Variants in KCNQ1 observed in about 807,000 individuals in gnomAD.
KCNQ1 encodes potassium voltage-gated channel subfamily KQT member 1.
Under a neutral mutation model 72.4 loss-of-function variants are expected in KCNQ1, and 49 were observed. That is an observed-to-expected ratio of 0.68 (90% CI 0.54 to 0.86). The LOEUF is 0.86. Ranked by LOEUF, KCNQ1 falls within the 40% of genes least tolerant of loss-of-function variation. The pLI is 0.00. For synonymous variants in KCNQ1, 450 were observed against 412.6 expected, an observed-to-expected ratio of 1.09 and a Z score of -1.10; for missense variants, 790 against 945.1, an observed-to-expected ratio of 0.84 and a Z score of 2.15.
Position 2,674,886 on chromosome 11 carries a change from G to T in KCNQ1, c.1514+12805G>T, listed in dbSNP as rs1436232189. 1.8e-5 allele frequency: 7 copies of T among 397,774 alleles called. No individual in the cohort carries two copies. Among genetic ancestry groups the T allele is most frequent in the Non-Finnish European group, 3.1e-5 (7 of 225,994 alleles). 24.6% of individuals were successfully genotyped at this position (397,774 alleles called of 1,614,324 possible). ...GCTCACTGGGCACCTTGGCTGCAGGGTCTGAAAAGTCCTTTGTGTTAGCTC... is the reference window on the plus strand; with the variant it reads ...GCTCACTGGGCACCTTGGCTGCAGGTTCTGAAAAGTCCTTTGTGTTAGCTC... On this transcript the variant is annotated intron_variant, in intron 11 of 15. Coordinates refer to ENST00000155840, the MANE Select transcript of KCNQ1 (RefSeq NM_000218.3). The surrounding 1 kb of genome is among the most constrained non-coding windows in gnomAD (Gnocchi z 5.9).
chr11:2,492,932 G>T lies in KCNQ1; in HGVS notation c.387-34996G>T, dbSNP rs778753477. Among the ~76,000 whole-genome samples the T allele has an allele frequency of 7.2e-5, 11 of 152,072 alleles. No individual in the cohort carries two copies. Among genetic ancestry groups the T allele is most frequent in the Middle Eastern group, 3.2e-3 (1 of 316 alleles). On this transcript the variant is annotated intron_variant, in intron 1 of 15. Coordinates refer to ENST00000155840, the MANE Select transcript of KCNQ1 (RefSeq NM_000218.3). The surrounding 1 kb of genome is among the most constrained non-coding windows in gnomAD (Gnocchi z 4.1). ...TAGAATCTAGTTCTAGAATCACCAC[G>T]CTGTCTTCCACAATGGTTGAACTAA... is the stretch of plus-strand genomic sequence containing the variant.
Position 2,621,820 on chromosome 11 carries a change from A to G in KCNQ1, c.1393+32966A>G. The G allele has an allele frequency of 2.5e-6, 1 of 398,302 alleles. No individual in the cohort carries two copies. The highest frequency in any genetic ancestry group is 1.3e-4 in the South Asian group (1 of 7,854). 24.7% of individuals were successfully genotyped at this position (398,302 alleles called of 1,614,324 possible). On this transcript the variant is annotated intron_variant, in intron 10 of 15. Coordinates refer to ENST00000155840, the MANE Select transcript of KCNQ1 (RefSeq NM_000218.3). The surrounding 1 kb of genome is among the most constrained non-coding windows in gnomAD (Gnocchi z 5.7). ...CAAAAATCAATTCTTTGTTTCAAAA[A>G]TTGAAGTCTTAGTTTTACTGACTTT...
At chr11:2,615,551 C>T in intron 10 of KCNQ1, 2 of 397,918 alleles carry the variant, frequency 5.0e-6, no homozygotes, top group Non-Finnish European at 8.9e-6. Context: ...CACAAATCCT[C>T]TTTAACACAT....
intron 15 of KCNQ1, among the ~76,000 whole-genome samples, chr11:2,807,814 G>GC (rs1203741248): frequency 6.6e-6 from 1 of 152,090 alleles, no homozygotes; most frequent in Non-Finnish European, 1.5e-5. Flanking sequence ...TACTCCAGTG[G>GC]CCACCTTCCC....
chr11:2,810,706 A>G (rs901242229), intron 15 of KCNQ1, among the ~76,000 whole-genome samples: 1 of 152,196 alleles, frequency 6.6e-6, no homozygotes. Context: ...CATGTTCTGA[A>G]TGTTTTTCAA....
chr11:2,801,381 G>C (rs1004427309), intron 15 of KCNQ1, among the ~76,000 whole-genome samples: 10 of 152,342 alleles, frequency 6.6e-5, no homozygotes, highest in African/African-American at 2.4e-4. Context: ...AGCAGCAAAG[G>C]CTTCAGACCA....
intron 11 of KCNQ1, among the ~76,000 whole-genome samples, chr11:2,717,726 A>G (rs1489360331): frequency 6.6e-6 from 1 of 152,206 alleles, no homozygotes; most frequent in Non-Finnish European, 1.5e-5. Flanking sequence ...GACAGATGGC[A>G]GGAGGTGCCG....
At chr11:2,761,246 C>T (rs975596320) in intron 11 of KCNQ1, among the ~76,000 whole-genome samples, 6 of 152,114 alleles carry the variant, frequency 3.9e-5, no homozygotes, top group East Asian at 1.9e-4. Flanking sequence ...ATCGTTCCTC[C>T]GGTCAATGGT....
chr11:2,671,187 G>T lies in KCNQ1; in HGVS notation c.1514+9106G>T. ...AAATAGGGCCTTGTTAGGAGAAAAG[G>T]AAAGAAAAATAAAAGGTAGAGAGAC... On this transcript the variant is annotated intron_variant, in intron 11 of 15. Transcript: ENST00000155840. The surrounding 1 kb of genome is among the most constrained non-coding windows in gnomAD (Gnocchi z 4.7). 1 of 398,606 alleles carries T rather than the reference G, an allele frequency of 2.5e-6. No homozygotes were observed. The highest frequency in any genetic ancestry group is 4.4e-6 in the Non-Finnish European group (1 of 226,082). The allele number at this position is 398,606 out of a possible 1,614,324, so 24.7% of individuals were successfully genotyped here.
chr11:2,713,296 G>A lies in KCNQ1; in HGVS notation c.1514+51215G>A, dbSNP rs376281230. The stretch of plus-strand genomic sequence containing the variant: ...TTCCCTGAATCACATTGTTCACTGC[G>A]CTTCTCAGGCCTTCTGGGCTCTTCC... On this transcript the variant is annotated intron_variant, in intron 11 of 15. Coordinates refer to ENST00000155840, the MANE Select transcript of KCNQ1 (RefSeq NM_000218.3). The surrounding 1 kb of genome is among the most constrained non-coding windows in gnomAD (Gnocchi z 5.6). 4.0e-4 allele frequency among the ~76,000 whole-genome samples: 61 copies of A among 152,212 alleles called. 1 individual carries two copies. The East Asian group carries it at 6.6e-3, about 16-fold the overall frequency.
chr11:2,551,901 T>G (rs554223565), intron 2 of KCNQ1, among the ~76,000 whole-genome samples: 1 of 152,388 alleles, frequency 6.6e-6, no homozygotes, highest in East Asian at 1.9e-4. Context: ...GGAGGATCTG[T>G]CCAGTTTGTT....
intron 10 of KCNQ1, chr11:2,618,730 G>A (rs1014333266): frequency 1.5e-5 from 6 of 398,198 alleles, no homozygotes; most frequent in Non-Finnish European, 2.2e-5. Context: ...ATTTTCCATG[G>A]GATTTTGATA....
At chr11:2,836,929 G>A (rs76176898) in intron 15 of KCNQ1, among the ~76,000 whole-genome samples, 2,679 of 152,292 alleles carry the variant, frequency 0.018, 93 homozygotes, top group African/African-American at 0.061. Context: ...TCTTCATAGG[G>A]TACTTATACC....
In KCNQ1 at chr11:2,841,733, G is replaced by A. The variant is rs964677718; in HGVS notation, c.1795-6034G>A. 1.2e-4 allele frequency among the ~76,000 whole-genome samples: 19 copies of A among 152,226 alleles called. No individual in the cohort carries two copies. The East Asian group carries it at 3.7e-3, about 29-fold the overall frequency. On this transcript the variant is annotated intron_variant, in intron 15 of 15. Coordinates refer to ENST00000155840, the MANE Select transcript of KCNQ1 (RefSeq NM_000218.3). ...AAGGGAACGAGGGTCGTGTGGTGAC[G>A]ATCTTGAGATATTCCCCCACAGTCG... is the stretch of plus-strand genomic sequence containing the variant.
intron 11 of KCNQ1, among the ~76,000 whole-genome samples, chr11:2,733,814 A>ACACACACACACACTCT: frequency 0.02 from 1,698 of 85,974 alleles, 36 homozygotes; most frequent in Non-Finnish European, 0.031. Context: ...ACACACACAC[A>ACACACACACACACTCT]CTCTCTCACT....
At position 2,543,624 on chromosome 11, in the gene KCNQ1, T is replaced by C. The variant is rs1847859219; in HGVS notation, c.477+15606T>C. 1.3e-5 allele frequency among the ~76,000 whole-genome samples: 2 copies of C among 152,352 alleles called. No individual in the cohort carries two copies. The highest frequency in any genetic ancestry group is 2.1e-4 in the South Asian group (1 of 4,828). On this transcript the variant is annotated intron_variant, in intron 2 of 15. Transcript: ENST00000155840. This position sits in a 1 kb window ranked among gnomAD's most constrained non-coding sequence, Gnocchi z 5.6. The stretch of plus-strand genomic sequence containing the variant: ...ATTTTCAATTTTATGAAGTCAAATA[T>C]AGCTTTTTCCTTTTAAATATGTTTC...
Position 2,621,805 on chromosome 11 carries a change from T to C in KCNQ1, c.1393+32951T>C. On this transcript the variant is annotated intron_variant, in intron 10 of 15. Transcript: ENST00000155840. This position sits in a 1 kb window ranked among gnomAD's most constrained non-coding sequence, Gnocchi z 5.7. ...GTTGATTTTATTTTTCAAAAATCAA[T>C]TCTTTGTTTCAAAAATTGAAGTCTT... The C allele has an allele frequency of 2.5e-6, 1 of 398,366 alleles. No homozygotes were observed. The highest frequency in any genetic ancestry group is 1.3e-4 in the South Asian group (1 of 7,854). 24.7% of individuals were successfully genotyped at this position (398,366 alleles called of 1,614,324 possible).
Position 2,676,942 on chromosome 11 carries a change from G to A in KCNQ1, c.1514+14861G>A. 5.0e-6 allele frequency: 2 copies of A among 398,618 alleles called. No individual in the cohort carries two copies. The highest frequency in any genetic ancestry group is 8.8e-6 in the Non-Finnish European group (2 of 226,048). 24.7% of individuals were successfully genotyped at this position (398,618 alleles called of 1,614,324 possible). On this transcript the variant is annotated intron_variant, in intron 11 of 15. Coordinates refer to ENST00000155840, the MANE Select transcript of KCNQ1 (RefSeq NM_000218.3). The surrounding 1 kb of genome is among the most constrained non-coding windows in gnomAD (Gnocchi z 4.2). The stretch of plus-strand genomic sequence containing the variant: ...AAGACACTGGTATGTTCTGGAGATG[G>A]ATCTGTATTAAGACATCTAGCAAAT...
chr11:2,803,456 C>T lies in KCNQ1; in HGVS notation c.1794+25419C>T, dbSNP rs527479803. On this transcript the variant is annotated intron_variant, in intron 15 of 15. Coordinates refer to ENST00000155840, the MANE Select transcript of KCNQ1 (RefSeq NM_000218.3). The surrounding 1 kb of genome is among the most constrained non-coding windows in gnomAD (Gnocchi z 6.4). ...GGGCTCTGGAGAATGCACCTGTGTTCCCAGGAGCTTTAGGGGTACCCAGGT... is the reference window on the plus strand; with the variant it reads ...GGGCTCTGGAGAATGCACCTGTGTTTCCAGGAGCTTTAGGGGTACCCAGGT... Among the ~76,000 whole-genome samples, 1 of 152,262 alleles carries T rather than the reference C, an allele frequency of 6.6e-6. No individual in the cohort carries two copies. The highest frequency in any genetic ancestry group is 2.1e-4 in the South Asian group (1 of 4,822).
Sources: gnomAD v4.1 joint callset for allele counts (sites outside exome capture counted in the v4.1 genomes callset) on GRCh38, gnomAD v4.1.1 for gene constraint, Gnocchi (gnomAD v3.1) non-coding constraint, MANE v1.5 for transcripts, NCBI Gene and HGNC (gene_info 2026-07-23, HGNC 2026-07-21) for gene names.